The following PHACTR3 variants were observed in gnomAD, a reference collection of about 807,000 sequenced individuals.
The protein encoded by PHACTR3 is protein phosphatase 1, regulatory subunit 123.
Under a neutral mutation model 66.8 loss-of-function variants are expected in PHACTR3, and 16 were observed. The ratio of observed to expected loss-of-function variants is 0.24; its 90% confidence interval spans 0.16 to 0.36. The LOEUF (loss-of-function observed/expected upper bound fraction) is 0.36. Ranked by LOEUF, PHACTR3 falls within the 10% of genes least tolerant of loss-of-function variation. The probability of loss-of-function intolerance (pLI) is 1.00; values close to 1 mark genes in which losing one functional copy is unlikely to be tolerated. For missense variants in PHACTR3, 647 were observed against 719.9 expected, an observed-to-expected ratio of 0.90 and a Z score of 1.16; for synonymous variants, 323 against 292.1, an observed-to-expected ratio of 1.11 and a Z score of -1.08.
chr20:59,839,707 C>A lies in PHACTR3; in HGVS notation c.1385-662C>A, dbSNP rs76823360. ...TTGAATGTTAATAGTCACAACTTAC[C>A]AAGCAAAGCTAATTTTGCTGAGGGA... On this transcript the variant is annotated intron_variant, in intron 9 of 12. Transcript: ENST00000371015. Among the ~76,000 whole-genome samples, 690 of 152,230 alleles carry A rather than the reference C, an allele frequency of 4.5e-3. 3 individuals carry two copies. The highest frequency in any genetic ancestry group is 0.016 in the African/African-American group (657 of 41,530).
intron 8 of PHACTR3, among the ~76,000 whole-genome samples, chr20:59,828,275 C>T (rs2145452895): frequency 6.6e-6 from 1 of 152,306 alleles, no homozygotes. Flanking sequence ...AAGAAGCATT[C>T]CTCCACTAGT....
chr20:59,695,871 T>A (rs1038311982), intron 1 of PHACTR3, among the ~76,000 whole-genome samples: 1 of 152,118 alleles, frequency 6.6e-6, no homozygotes, highest in South Asian at 2.1e-4. Context: ...TAGCTGGGAC[T>A]ACAGGCTCAC....
At chr20:59,805,933 T>C (rs1328899164) in intron 7 of PHACTR3, 108 bp from the exon 8 acceptor site, 7 of 1,215,446 alleles carry the variant, frequency 5.8e-6, no homozygotes, top group African/African-American at 4.6e-5. Context: ...CACCCTGGTC[T>C]GGAGTCCTTC....
intron 1 of PHACTR3, among the ~76,000 whole-genome samples, chr20:59,598,272 G>C (rs1399447024): frequency 1.3e-5 from 2 of 152,264 alleles, no homozygotes; most frequent in African/African-American, 4.8e-5. Flanking sequence ...TCAAAGGGCA[G>C]GTGGTCTCTC....
chr20:59,836,655 A>G, intron 9 of PHACTR3, 95 bp downstream of exon 9: 1 of 1,241,094 alleles, frequency 8.1e-7, no homozygotes, highest in African/African-American at 1.5e-5. Flanking sequence ...CTTCTCTGCA[A>G]GCGGAATGCT....
upstream of PHACTR3, among the ~76,000 whole-genome samples, chr20:59,602,439 CAAAAAAA>C (rs11477953): frequency 2.3e-5 from 2 of 86,002 alleles, no homozygotes; most frequent in African/African-American, 8.0e-5. Flanking sequence ...AAAACTCTTT[CAAAAAAA>C]AAAAAAAAAG....
At chr20:59,742,115 G>A (rs751736760) in intron 1 of PHACTR3, among the ~76,000 whole-genome samples, 59 of 152,246 alleles carry the variant, frequency 3.9e-4, no homozygotes, top group Non-Finnish European at 5.4e-4. Context: ...CCACACACCA[G>A]TGTGTGCCTG....
chr20:59,655,720 C>T (rs911864549), intron 1 of PHACTR3, among the ~76,000 whole-genome samples: 4 of 151,742 alleles, frequency 2.6e-5, no homozygotes, highest in African/African-American at 9.7e-5. Context: ...TTTTTCTACT[C>T]TTTTCGAGTG....
chr20:59,644,068 A>G (rs1236224171), intron 1 of PHACTR3, among the ~76,000 whole-genome samples: 3 of 152,194 alleles, frequency 2.0e-5, no homozygotes, highest in Non-Finnish European at 2.9e-5. Flanking sequence ...GGACTTGCCA[A>G]TACACACTGA....
At chr20:59,604,152 G>A (rs1225848714), upstream of PHACTR3, among the ~76,000 whole-genome samples, 1 of 152,140 alleles carries the variant, frequency 6.6e-6, no homozygotes, top group Non-Finnish European at 1.5e-5. Flanking sequence ...TTGCGGGGAG[G>A]AAGCCTCAGG....
At chr20:59,583,935 A>G (rs1307907875) in intron 1 of PHACTR3, among the ~76,000 whole-genome samples, 1 of 152,232 alleles carries the variant, frequency 6.6e-6, no homozygotes, top group Non-Finnish European at 1.5e-5. Flanking sequence ...ACGCGTGGAC[A>G]TGTGGAAGGC....
intron 1 of PHACTR3, among the ~76,000 whole-genome samples, chr20:59,634,216 C>G (rs896646560): frequency 7.9e-5 from 12 of 152,186 alleles, no homozygotes; most frequent in South Asian, 4.1e-4. Context: ...TTTTAATTCT[C>G]ATGAGGGACG....
chr20:59,685,149 C>A (rs1333869023), intron 1 of PHACTR3, among the ~76,000 whole-genome samples: 8 of 152,214 alleles, frequency 5.3e-5, no homozygotes, highest in African/African-American at 1.9e-4. Context: ...GCCCTGCACC[C>A]ACCTCCTGCT....
At chr20:59,683,000 T>C (rs1435862470) in intron 1 of PHACTR3, among the ~76,000 whole-genome samples, 1 of 152,212 alleles carries the variant, frequency 6.6e-6, no homozygotes, top group Non-Finnish European at 1.5e-5. Flanking sequence ...CCAGGTGGAC[T>C]GACCAGCCTA....
chr20:59,662,761 G>T (rs2035856495), intron 1 of PHACTR3, among the ~76,000 whole-genome samples: 1 of 152,150 alleles, frequency 6.6e-6, no homozygotes. Context: ...AGGTGCTGGG[G>T]GCCAGTCCTG....
intron 1 of PHACTR3, among the ~76,000 whole-genome samples, chr20:59,741,997 G>A (rs961804984): frequency 3.9e-5 from 6 of 152,160 alleles, no homozygotes; most frequent in African/African-American, 1.2e-4. Flanking sequence ...TCCTGACCTT[G>A]TGATCTGCCT....
At chr20:59,728,733 T>TA (rs1389589363) in intron 1 of PHACTR3, among the ~76,000 whole-genome samples, 1 of 152,104 alleles carries the variant, frequency 6.6e-6, no homozygotes, top group Non-Finnish European at 1.5e-5. Context: ...TTCCACTCAT[T>TA]AATTCATTCC....
chr20:59,634,907 G>T (rs925488168), intron 1 of PHACTR3, among the ~76,000 whole-genome samples: 1 of 152,130 alleles, frequency 6.6e-6, no homozygotes, highest in Non-Finnish European at 1.5e-5. Context: ...ATAGCCACCT[G>T]TGGCTAATGG....
intron 5 of PHACTR3, among the ~76,000 whole-genome samples, chr20:59,769,629 C>G (rs2040298670): frequency 6.6e-6 from 1 of 152,226 alleles, no homozygotes; most frequent in Non-Finnish European, 1.5e-5. Flanking sequence ...CCACCTGCCC[C>G]CCAGACAGTA....
Sources: gnomAD v4.1 joint callset for allele counts (sites outside exome capture counted in the v4.1 genomes callset) on GRCh38, gnomAD v4.1.1 for gene constraint, MANE v1.5 for transcripts, NCBI Gene and HGNC (gene_info 2026-07-23, HGNC 2026-07-21) for gene names.